The following GRID2 variants were observed in gnomAD, a reference collection of about 807,000 sequenced individuals.
GRID2 encodes the protein glutamate receptor ionotropic, delta-2.
A neutral mutation model predicts 114.8 loss-of-function variants in GRID2; 33 were observed. The observed-to-expected ratio is 0.29, with a 90% CI of 0.22 to 0.38. The LOEUF is 0.38. Ranked by LOEUF, GRID2 falls within the 10% of genes least tolerant of loss-of-function variation. The pLI, the probability that GRID2 is intolerant of heterozygous loss-of-function variation, is 1.00. For synonymous variants in GRID2, 505 were observed against 449.9 expected, an observed-to-expected ratio of 1.12 and a Z score of -1.55; for missense variants, 1,184 against 1,257.7, an observed-to-expected ratio of 0.94 and a Z score of 0.89.
At chr4:93,619,076 C>T (rs1253825889) in intron 13 of GRID2, among the ~76,000 whole-genome samples, 1 of 152,088 alleles carries the variant, frequency 6.6e-6, no homozygotes, top group Non-Finnish European at 1.5e-5. Context: ...ATTTTAAATA[C>T]ATTCATATAT....
intron 14 of GRID2, among the ~76,000 whole-genome samples, chr4:93,632,365 C>T (rs1467693728): frequency 6.6e-6 from 1 of 152,298 alleles, no homozygotes; most frequent in East Asian, 1.9e-4. Context: ...ACATTGAAGT[C>T]TTTGATCCAT....
chr4:92,784,289 A>G (rs143220166), intron 2 of GRID2, among the ~76,000 whole-genome samples: 2 of 151,964 alleles, frequency 1.3e-5, no homozygotes, highest in African/African-American at 2.4e-5. Context: ...TTTTTAATGC[A>G]TGTCCATTTT....
At chr4:93,179,563 A>T (rs558823612) in intron 4 of GRID2, among the ~76,000 whole-genome samples, 1 of 151,920 alleles carries the variant, frequency 6.6e-6, no homozygotes, top group South Asian at 2.1e-4. Flanking sequence ...AATACATGAA[A>T]TAAATATAAC....
intron 8 of GRID2, among the ~76,000 whole-genome samples, chr4:93,378,960 C>A (rs1275445352): frequency 6.6e-6 from 1 of 151,920 alleles, no homozygotes; most frequent in Non-Finnish European, 1.5e-5. Context: ...TATAGAGGTC[C>A]AAGATTGATT....
At chr4:92,568,657 T>C (rs1197461682) in intron 1 of GRID2, among the ~76,000 whole-genome samples, 2 of 151,954 alleles carry the variant, frequency 1.3e-5, no homozygotes, top group Non-Finnish European at 2.9e-5. Context: ...GTTCTACAGA[T>C]TATTTCATTA....
At chr4:92,656,140 A>G (rs1270430488) in intron 2 of GRID2, among the ~76,000 whole-genome samples, 1 of 151,696 alleles carries the variant, frequency 6.6e-6, no homozygotes, top group African/African-American at 2.4e-5. Flanking sequence ...TGCTGTACTA[A>G]CTGGTTTGCC....
chr4:92,856,241 A>G (rs191571947), intron 2 of GRID2, among the ~76,000 whole-genome samples: 7 of 152,054 alleles, frequency 4.6e-5, no homozygotes, highest in African/African-American at 1.7e-4. Flanking sequence ...ATATTTTTCT[A>G]TTATCATATT....
chr4:93,103,503 T>C (rs991151109), intron 3 of GRID2, among the ~76,000 whole-genome samples: 1 of 152,104 alleles, frequency 6.6e-6, no homozygotes, highest in African/African-American at 2.4e-5. Context: ...TTTTCCTCTA[T>C]TTTTAAACAA....
chr4:92,505,783 A>T (rs1368583535), intron 1 of GRID2, among the ~76,000 whole-genome samples: 1 of 152,066 alleles, frequency 6.6e-6, no homozygotes, highest in Non-Finnish European at 1.5e-5. Context: ...TTTTAGTGCA[A>T]TGTATATCTT....
chr4:92,832,142 T>C (rs910933113), intron 2 of GRID2, among the ~76,000 whole-genome samples: 3 of 151,470 alleles, frequency 2.0e-5, no homozygotes, highest in African/African-American at 7.3e-5. Context: ...AAGGAAAGAT[T>C]AGTAAATAAA....
In GRID2 at chr4:92,572,440, G is replaced by A. The variant is rs188911827; in HGVS notation, c.89-17691G>A. On this transcript the variant is annotated intron_variant, in intron 1 of 15. Coordinates refer to ENST00000282020, the MANE Select transcript of GRID2 (RefSeq NM_001510.4). ...TCCAGGACCAGAAGGATTCACAGCC[G>A]AATTCTACCTGAGGTACAAGGAGGA... Among the ~76,000 whole-genome samples the A allele has an allele frequency of 1.2e-4, 18 of 152,144 alleles. No individual in the cohort carries two copies. The East Asian group carries it at 1.4e-3, about 11-fold the overall frequency.
At chr4:92,782,764 T>G (rs924780893) in intron 2 of GRID2, among the ~76,000 whole-genome samples, 1 of 151,998 alleles carries the variant, frequency 6.6e-6, no homozygotes, top group African/African-American at 2.4e-5. Flanking sequence ...AAAGTTGGTG[T>G]CCTGGAGGGT....
intron 2 of GRID2, among the ~76,000 whole-genome samples, chr4:92,682,787 G>T (rs914380566): frequency 6.6e-6 from 1 of 151,702 alleles, no homozygotes; most frequent in African/African-American, 2.4e-5. Flanking sequence ...AACTTGGAAG[G>T]CACCTGGGTT....
At chr4:93,612,158 G>T (rs936784220) in intron 13 of GRID2, among the ~76,000 whole-genome samples, 117 of 151,372 alleles carry the variant, frequency 7.7e-4, no homozygotes, top group Middle Eastern at 3.4e-3. Flanking sequence ...GTTTTCCATT[G>T]GTTTGGTAGA....
At chr4:92,721,834 T>G (rs186562168) in intron 2 of GRID2, among the ~76,000 whole-genome samples, 1 of 152,192 alleles carries the variant, frequency 6.6e-6, no homozygotes, top group East Asian at 1.9e-4. Context: ...ATGACATTTA[T>G]GCCCTAAACT....
intron 10 of GRID2, among the ~76,000 whole-genome samples, chr4:93,446,053 A>G (rs1274560088): frequency 6.6e-6 from 1 of 151,992 alleles, no homozygotes; most frequent in African/African-American, 2.4e-5. Context: ...TAATTGTCCT[A>G]ATTTGGAAGG....
intron 10 of GRID2, among the ~76,000 whole-genome samples, chr4:93,447,143 T>C (rs1477798399): frequency 6.6e-6 from 1 of 151,690 alleles, no homozygotes; most frequent in Non-Finnish European, 1.5e-5. Flanking sequence ...AAAGAGGAAA[T>C]AAAAACTAAA....
At chr4:92,726,450 G>C (rs373635080) in intron 2 of GRID2, among the ~76,000 whole-genome samples, 38 of 151,938 alleles carry the variant, frequency 2.5e-4, no homozygotes, top group African/African-American at 8.9e-4. Flanking sequence ...TTTGTTATGT[G>C]GTGCACCACT....
chr4:92,832,773 ACT>A (rs1170058975), intron 2 of GRID2, among the ~76,000 whole-genome samples: 1 of 151,902 alleles, frequency 6.6e-6, no homozygotes, highest in African/African-American at 2.4e-5. Flanking sequence ...GACAACAGAG[ACT>A]CTGTCACAAT....
Sources: allele counts gnomAD v4.1 joint callset (sites outside exome capture counted in the v4.1 genomes callset), GRCh38; gene constraint gnomAD v4.1.1; transcripts MANE v1.5; gene names NCBI Gene and HGNC (gene_info 2026-07-23, HGNC 2026-07-21).